Variants in CTNNA3 observed in about 807,000 individuals in gnomAD.
CTNNA3 encodes the protein catenin alpha 3.
In CTNNA3, 76 loss-of-function variants were observed where a neutral mutation model predicts 95.7. The observed-to-expected ratio is 0.79, with a 90% CI of 0.66 to 0.96. The LOEUF is 0.96. Among genes scored for constraint, CTNNA3 ranks in the 40% least tolerant of loss-of-function variants. CTNNA3 has a pLI of 0.00. For missense variants in CTNNA3, 1,191 were observed against 1,089.8 expected (o/e 1.09, Z -1.31); for synonymous variants, 431 against 374.4 (o/e 1.15, Z -1.74).
chr10:66,598,078 A>G (rs999722802), intron 10 of CTNNA3, among the ~76,000 whole-genome samples: 2 of 152,102 alleles, frequency 1.3e-5, no homozygotes, highest in East Asian at 1.9e-4. Context: ...TTCAACATGA[A>G]GAAGTGGGAT....
chr10:66,359,212 C>T (rs1342317827), intron 12 of CTNNA3, among the ~76,000 whole-genome samples: 2 of 152,020 alleles, frequency 1.3e-5, no homozygotes, highest in Non-Finnish European at 2.9e-5. Flanking sequence ...GACAGTTTTA[C>T]AGGCTCCTCA....
intron 4 of CTNNA3, among the ~76,000 whole-genome samples, chr10:67,529,031 C>T (rs977139260): frequency 6.6e-6 from 1 of 151,826 alleles, no homozygotes; most frequent in African/African-American, 2.4e-5. Flanking sequence ...TTCTCACTAC[C>T]AAAAATTGAT....
chr10:66,947,541 C>T (rs149860197), intron 7 of CTNNA3, among the ~76,000 whole-genome samples: 1 of 152,098 alleles, frequency 6.6e-6, no homozygotes, highest in East Asian at 1.9e-4. Context: ...ACTCTGTCTC[C>T]CTCTCCCCTG....
At chr10:66,052,068 G>A (rs1259933799) in intron 15 of CTNNA3, among the ~76,000 whole-genome samples, 1 of 152,078 alleles carries the variant, frequency 6.6e-6, no homozygotes, top group African/African-American at 2.4e-5. Context: ...ATATTGATGG[G>A]AAAGTCTAGA....
chr10:67,635,070 G>A (rs912463589), intron 2 of CTNNA3, among the ~76,000 whole-genome samples: 1 of 151,838 alleles, frequency 6.6e-6, no homozygotes, highest in Non-Finnish European at 1.5e-5. Context: ...AGAAAATCTA[G>A]AAGAAATGGA....
intron 1 of CTNNA3, among the ~76,000 whole-genome samples, chr10:67,732,031 C>T (rs763687114): frequency 8.0e-5 from 12 of 150,604 alleles, no homozygotes; most frequent in Middle Eastern, 7.1e-3. Context: ...CCACCCACCT[C>T]GGCCTCCCAA....
chr10:67,446,093 C>G (rs933989440), intron 5 of CTNNA3, among the ~76,000 whole-genome samples: 4 of 152,122 alleles, frequency 2.6e-5, no homozygotes, highest in Admixed American at 6.5e-5. Flanking sequence ...CCCTCAAGCA[C>G]CTTACAATAT....
chr10:66,888,191 G>A (rs902368959), intron 7 of CTNNA3, among the ~76,000 whole-genome samples: 2 of 152,148 alleles, frequency 1.3e-5, no homozygotes, highest in Admixed American at 1.3e-4. Context: ...AGTGGCCCAT[G>A]TGCAAGGACT....
At chr10:67,017,752 T>TGC (rs1491269527) in intron 7 of CTNNA3, among the ~76,000 whole-genome samples, 47 of 145,952 alleles carry the variant, frequency 3.2e-4, no homozygotes, top group African/African-American at 1.0e-3. Flanking sequence ...TGTGTGTGTG[T>TGC]GCGCGCGTAC....
At chr10:66,442,823 G>A (rs1458895511) in intron 11 of CTNNA3, among the ~76,000 whole-genome samples, 1 of 152,122 alleles carries the variant, frequency 6.6e-6, no homozygotes, top group Non-Finnish European at 1.5e-5. Flanking sequence ...GACAGTGGGT[G>A]CAGTGCACCA....
chr10:66,470,684 A>G (rs1013448741), intron 11 of CTNNA3, among the ~76,000 whole-genome samples: 8 of 151,858 alleles, frequency 5.3e-5, no homozygotes. Flanking sequence ...ATAAGTAGGT[A>G]GAAGTAGGAA....
At chr10:67,329,904 G>A (rs192939981) in intron 5 of CTNNA3, among the ~76,000 whole-genome samples, 33 of 152,274 alleles carry the variant, frequency 2.2e-4, no homozygotes, top group South Asian at 2.1e-4. Context: ...GAACCCAGGC[G>A]TCTTCCAACT....
intron 5 of CTNNA3, among the ~76,000 whole-genome samples, chr10:67,504,411 G>A (rs867886814): frequency 8.2e-5 from 10 of 122,426 alleles, no homozygotes; most frequent in Admixed American, 1.8e-4. Context: ...ACTCCAGCCT[G>A]GGCAACAGAG....
intron 3 of CTNNA3, among the ~76,000 whole-genome samples, chr10:67,588,532 G>T (rs1259131322): frequency 1.6e-5 from 2 of 124,166 alleles, no homozygotes; most frequent in African/African-American, 8.8e-5. Context: ...TGAATTTATG[G>T]GGGGGGGACT....
intron 7 of CTNNA3, among the ~76,000 whole-genome samples, chr10:66,972,811 A>T (rs983277532): frequency 1.3e-5 from 2 of 150,320 alleles, no homozygotes; most frequent in Admixed American, 6.7e-5. Flanking sequence ...CCTGGGTTCA[A>T]GTGATTCTTG....
chr10:66,183,032 C>G (rs2086137705), intron 13 of CTNNA3, among the ~76,000 whole-genome samples: 1 of 152,246 alleles, frequency 6.6e-6, no homozygotes, highest in South Asian at 2.1e-4. Context: ...CACATTTCCT[C>G]GGAGAGGAGG....
chr10:67,226,107 C>T (rs1864901188), intron 5 of CTNNA3, among the ~76,000 whole-genome samples: 1 of 152,074 alleles, frequency 6.6e-6, no homozygotes, highest in Non-Finnish European at 1.5e-5. Flanking sequence ...TAGAACTGAA[C>T]AAGTAGAAGA....
At chr10:66,081,174 T>C (rs1448076739) in intron 14 of CTNNA3, among the ~76,000 whole-genome samples, 1 of 152,154 alleles carries the variant, frequency 6.6e-6, no homozygotes, top group Non-Finnish European at 1.5e-5. Context: ...AGAGATATGA[T>C]GTAAGTGTTT....
chr10:67,619,827 T>TCC (rs1488658302), intron 2 of CTNNA3, among the ~76,000 whole-genome samples: 1 of 152,174 alleles, frequency 6.6e-6, no homozygotes, highest in East Asian at 1.9e-4. Flanking sequence ...TTTTATGAGC[T>TCC]CCCCTGCACA....
Sources: gnomAD v4.1 joint callset for allele counts (sites outside exome capture counted in the v4.1 genomes callset) on GRCh38, gnomAD v4.1.1 for gene constraint, MANE v1.5 for transcripts, NCBI Gene and HGNC (gene_info 2026-07-23, HGNC 2026-07-21) for gene names.